TOM1L1: variants seen among roughly 807,000 people sequenced by gnomAD.
The protein encoded by TOM1L1 is target of myb1 like 1 membrane trafficking protein, also known as TOM1-like protein 1.
A neutral mutation model predicts 63.4 loss-of-function variants in TOM1L1; 64 were observed. The observed-to-expected ratio is 1.01, with a 90% CI of 0.83 to 1.24. The LOEUF is 1.24. Ranked by LOEUF, TOM1L1 falls within the 50% of genes most tolerant of loss-of-function variation. TOM1L1 has a pLI of 0.00. For missense variants in TOM1L1, 536 were observed against 567.0 expected (o/e 0.95, Z 0.55); for synonymous variants, 166 against 194.4 (o/e 0.85, Z 1.22).
intron 7 of TOM1L1, among the ~76,000 whole-genome samples, chr17:54,920,221 T>C (rs1598018553): frequency 6.6e-6 from 1 of 152,196 alleles, no homozygotes; most frequent in Non-Finnish European, 1.5e-5. Flanking sequence ...ATCAGCAGGG[T>C]GGCACCCACC....
chr17:54,938,825 C>CTTTTTTTTT, intron 10 of TOM1L1, 99 bp from the exon 11 acceptor site: 1 of 563,416 alleles, frequency 1.8e-6, no homozygotes, highest in Admixed American at 3.9e-5. Flanking sequence ...TTTTTTTTTT[C>CTTTTTTTTT]TTTTTCTTTT....
chr17:54,914,539 C>G, intron 5 of TOM1L1, 100 bp from the exon 6 acceptor site: 1 of 876,478 alleles, frequency 1.1e-6, no homozygotes, highest in Non-Finnish European at 1.9e-6. Context: ...ACCCTGTACA[C>G]AGGACTTTGA....
At position 54,961,716 on chromosome 17, in the gene TOM1L1, C is replaced by T; in HGVS notation, c.*483C>T. The T allele has an allele frequency of 9.7e-7, 1 of 1,032,000 alleles. No homozygotes were observed. Among genetic ancestry groups the T allele is most frequent in the Non-Finnish European group, 1.2e-6 (1 of 859,232 alleles). 63.9% of individuals were successfully genotyped at this position (1,032,000 alleles called of 1,614,324 possible). ...AAGTCAATTTGCACTTCTTTATAAT[C>T]CTCTGGTTTAGAATTATAAATTGTT... is the stretch of plus-strand genomic sequence containing the variant. On this transcript the variant is annotated 3_prime_UTR_variant, in exon 16 of 16. Transcript: ENST00000575882.
intron 14 of TOM1L1, chr17:54,951,858 C>T (rs899274207): frequency 1.3e-5 from 2 of 152,214 alleles, no homozygotes; most frequent in African/African-American, 4.8e-5. Flanking sequence ...AGGGTTCATT[C>T]ACCTGGATAG....
intron 14 of TOM1L1, among the ~76,000 whole-genome samples, chr17:54,956,550 C>G (rs1181445724): frequency 6.6e-6 from 1 of 152,176 alleles, no homozygotes; most frequent in Non-Finnish European, 1.5e-5. Flanking sequence ...TCAAGTTCAT[C>G]TACCCACCTC....
At chr17:54,942,318 G>A (rs1268161151) in intron 11 of TOM1L1, 1 of 150,764 alleles carries the variant, frequency 6.6e-6, no homozygotes, top group Non-Finnish European at 1.5e-5. Flanking sequence ...TGTTGGCCAG[G>A]CTGTGGTCTC....
chr17:54,914,544 C>G, intron 5 of TOM1L1, 95 bp from the exon 6 acceptor site: 2 of 933,408 alleles, frequency 2.1e-6, no homozygotes, highest in South Asian at 1.4e-5. Flanking sequence ...GTACACAGGA[C>G]TTTGAGAGTG....
intron 14 of TOM1L1, among the ~76,000 whole-genome samples, chr17:54,951,254 C>T (rs8073158): frequency 2.6e-5 from 4 of 152,094 alleles, no homozygotes; most frequent in Non-Finnish European, 5.9e-5. Flanking sequence ...ATGCACAGGG[C>T]GAGGCATGCG....
intron 7 of TOM1L1, among the ~76,000 whole-genome samples, chr17:54,928,394 A>C (rs994215946): frequency 2.1e-4 from 32 of 152,254 alleles, no homozygotes; most frequent in African/African-American, 7.2e-4. Flanking sequence ...ACAACAACAA[A>C]AAAACCTCAG....
At chr17:54,936,778 T>TA (rs1288716624) in intron 9 of TOM1L1, 69 bp downstream of exon 9, 1 of 1,369,964 alleles carries the variant, frequency 7.3e-7, no homozygotes, top group Non-Finnish European at 1.0e-6. Context: ...AAGCAAGGCT[T>TA]ACCTAAAACA....
chr17:54,903,272 G>A (rs1476130723), intron 1 of TOM1L1, among the ~76,000 whole-genome samples: 27 of 152,232 alleles, frequency 1.8e-4, no homozygotes, highest in Admixed American at 1.8e-3. Context: ...CATACTGACT[G>A]TATAACTTTG....
intron 11 of TOM1L1, among the ~76,000 whole-genome samples, chr17:54,941,974 A>AT (rs1294281214): frequency 6.6e-5 from 10 of 152,200 alleles, no homozygotes; most frequent in African/African-American, 2.4e-4. Flanking sequence ...TATAATGTTG[A>AT]GATTTTTTCC....
At chr17:54,946,941 C>A (rs2049129516) in intron 11 of TOM1L1, among the ~76,000 whole-genome samples, 2 of 152,134 alleles carry the variant, frequency 1.3e-5, no homozygotes, top group African/African-American at 2.4e-5. Flanking sequence ...GACCTCACAG[C>A]TTTCTTCTTA....
At chr17:54,906,899 C>G (rs1185226798) in intron 3 of TOM1L1, 1 of 740,568 alleles carries the variant, frequency 1.4e-6, no homozygotes, top group Admixed American at 6.3e-5. Flanking sequence ...CAGCCCAGCC[C>G]AAGACTGTGC....
intron 11 of TOM1L1, among the ~76,000 whole-genome samples, chr17:54,946,049 T>C (rs933058959): frequency 9.2e-5 from 14 of 152,228 alleles, no homozygotes; most frequent in African/African-American, 3.4e-4. Flanking sequence ...GCTAGATTCA[T>C]TCCACAGTTT....
chr17:54,939,879 CTG>C (rs1451406839), intron 11 of TOM1L1, among the ~76,000 whole-genome samples: 1 of 152,094 alleles, frequency 6.6e-6, no homozygotes, highest in Non-Finnish European at 1.5e-5. Flanking sequence ...GGAAAAGAGA[CTG>C]AGATTTCTTG....
At chr17:54,932,423 G>T (rs1271319661) in intron 8 of TOM1L1, among the ~76,000 whole-genome samples, 1 of 152,162 alleles carries the variant, frequency 6.6e-6, no homozygotes, top group East Asian at 1.9e-4. Context: ...GGCCTAGGGT[G>T]TGGCGCCGGG....
intron 11 of TOM1L1, among the ~76,000 whole-genome samples, chr17:54,941,727 G>A (rs1450838916): frequency 1.3e-5 from 2 of 152,162 alleles, no homozygotes; most frequent in Admixed American, 1.3e-4. Flanking sequence ...AATTCAGTAT[G>A]CATAAAAATC....
intron 7 of TOM1L1, among the ~76,000 whole-genome samples, chr17:54,919,985 G>GATTGATTT (rs1555609060): frequency 6.0e-5 from 9 of 150,842 alleles, no homozygotes; most frequent in Admixed American, 1.3e-4. Context: ...GTTTTTTATT[G>GATTGATTT]ATTTATTTAT....
Sources: allele counts gnomAD v4.1 joint callset (sites outside exome capture counted in the v4.1 genomes callset), GRCh38; gene constraint gnomAD v4.1.1; transcripts MANE v1.5; gene names NCBI Gene and HGNC (gene_info 2026-07-23, HGNC 2026-07-21).